GABRG3: variants seen among roughly 807,000 people sequenced by gnomAD.
GABRG3 encodes the protein gamma-aminobutyric acid type A receptor subunit gamma3, also known as gamma-aminobutyric acid receptor subunit gamma-3.
A neutral mutation model predicts 48.8 loss-of-function variants in GABRG3; 25 were observed. The ratio of observed to expected loss-of-function variants is 0.51; its 90% confidence interval spans 0.37 to 0.72. GABRG3 has a LOEUF of 0.72. Ranked by LOEUF, GABRG3 falls within the 30% of genes least tolerant of loss-of-function variation. The pLI, the probability that GABRG3 is intolerant of heterozygous loss-of-function variation, is 0.00. For missense variants in GABRG3, 394 were observed against 577.9 expected (o/e 0.68, Z 3.26); for synonymous variants, 227 against 217.6 (o/e 1.04, Z -0.38).
At chr15:27,456,156 T>A (rs1889269494) in intron 5 of GABRG3, among the ~76,000 whole-genome samples, 1 of 152,186 alleles carries the variant, frequency 6.6e-6, no homozygotes. Flanking sequence ...GTAACTGCTG[T>A]TGGGCCTCCC....
At chr15:27,348,358 G>T (rs538945721) in intron 5 of GABRG3, among the ~76,000 whole-genome samples, 2 of 152,196 alleles carry the variant, frequency 1.3e-5, no homozygotes, top group South Asian at 2.1e-4. Context: ...ACCTAACCAA[G>T]AGTTAAGAAC....
At chr15:27,392,015 ACC>A (rs2140577353) in intron 5 of GABRG3, among the ~76,000 whole-genome samples, 1 of 152,294 alleles carries the variant, frequency 6.6e-6, no homozygotes, top group African/African-American at 2.4e-5. Context: ...TGTGACATAT[ACC>A]ACTGTCTTTA....
chr15:27,160,351 C>T (rs1415945158), intron 3 of GABRG3, among the ~76,000 whole-genome samples: 1 of 152,088 alleles, frequency 6.6e-6, no homozygotes, highest in Non-Finnish European at 1.5e-5. Flanking sequence ...GAAAGGTCTT[C>T]CCCCTTTTAT....
chr15:27,029,821 A>T (rs1275080752), intron 3 of GABRG3, among the ~76,000 whole-genome samples: 1 of 152,102 alleles, frequency 6.6e-6, no homozygotes, highest in African/African-American at 2.4e-5. Flanking sequence ...CTCAGGAGGC[A>T]GGGGCCTCGG....
At chr15:27,052,763 A>G (rs558519658) in intron 3 of GABRG3, among the ~76,000 whole-genome samples, 179 of 152,366 alleles carry the variant, frequency 1.2e-3, no homozygotes, top group African/African-American at 4.2e-3. Flanking sequence ...ATTTCATACT[A>G]TACTGCAAGA....
At chr15:27,248,716 T>G (rs914211925) in intron 3 of GABRG3, among the ~76,000 whole-genome samples, 3 of 151,176 alleles carry the variant, frequency 2.0e-5, no homozygotes, top group African/African-American at 7.3e-5. Flanking sequence ...TGTAAAGTTT[T>G]CATGATCCCA....
intron 3 of GABRG3, among the ~76,000 whole-genome samples, chr15:27,039,805 G>A (rs1595487889): frequency 6.6e-6 from 1 of 152,120 alleles, no homozygotes; most frequent in Admixed American, 6.5e-5. Flanking sequence ...GGCACCCCTC[G>A]CTGTCACCCC....
intron 6 of GABRG3, among the ~76,000 whole-genome samples, chr15:27,519,123 G>A (rs112119142): frequency 2.3e-4 from 35 of 152,094 alleles, no homozygotes; most frequent in Non-Finnish European, 4.3e-4. Flanking sequence ...GGTGGATTTC[G>A]GGCACTGGAT....
intron 3 of GABRG3, among the ~76,000 whole-genome samples, chr15:27,076,233 C>T (rs970050647): frequency 6.6e-6 from 1 of 151,900 alleles, no homozygotes; most frequent in Non-Finnish European, 1.5e-5. Context: ...TGATGTCCCC[C>T]AAAACATCCA....
intron 3 of GABRG3, among the ~76,000 whole-genome samples, chr15:27,117,286 A>T (rs1479278408): frequency 6.6e-6 from 1 of 152,028 alleles, no homozygotes; most frequent in African/African-American, 2.4e-5. Context: ...TGTCTTTCCC[A>T]CCCCCTACTC....
chr15:27,386,483 T>G (rs1333321822), intron 5 of GABRG3, among the ~76,000 whole-genome samples: 1 of 151,550 alleles, frequency 6.6e-6, no homozygotes, highest in Non-Finnish European at 1.5e-5. Flanking sequence ...CCTCCCAAGA[T>G]TGTTTGTCAC....
At chr15:27,058,514 C>T (rs1896590996) in intron 3 of GABRG3, among the ~76,000 whole-genome samples, 1 of 152,068 alleles carries the variant, frequency 6.6e-6, no homozygotes, top group African/African-American at 2.4e-5. Flanking sequence ...CTTGCTCAAC[C>T]AGGAGTTGTA....
At chr15:27,045,522 A>G (rs934906569) in intron 3 of GABRG3, among the ~76,000 whole-genome samples, 5 of 152,258 alleles carry the variant, frequency 3.3e-5, no homozygotes, top group Non-Finnish European at 7.3e-5. Flanking sequence ...AGGAATTGAT[A>G]TATGCTTTGG....
chr15:26,971,541 C>A lies in GABRG3; in HGVS notation c.6C>A (p.Ala2=). Reference sequence around the variant, plus strand: ...GCCCCGAGCTCCACGGCACCATGGCCCCGAAGCTGCTGCTCCTCCTCTGCC... The same window carrying A: ...GCCCCGAGCTCCACGGCACCATGGCACCGAAGCTGCTGCTCCTCCTCTGCC... M[A]PKLLLLLCLF... is the part of the protein sequence containing the mutation. Residue 2 remains alanine (A), a synonymous_variant, in exon 1 of 10, where the codon GCC becomes GCA. Transcript: ENST00000615808. The A allele has an allele frequency of 6.5e-7, 1 of 1,529,474 alleles. No individual in the cohort carries two copies. Among genetic ancestry groups the A allele is most frequent in the Non-Finnish European group, 8.8e-7 (1 of 1,138,854 alleles). 94.7% of individuals were successfully genotyped at this position (1,529,474 alleles called of 1,614,324 possible).
chr15:27,269,523 C>T (rs775144260), intron 3 of GABRG3, among the ~76,000 whole-genome samples: 10 of 152,294 alleles, frequency 6.6e-5, no homozygotes, highest in Middle Eastern at 3.4e-3. Flanking sequence ...ACTGTGTTCT[C>T]GCTCTTGTGT....
At chr15:26,971,720 G>C in intron 1 of GABRG3, 132 bp downstream of exon 1, 2 of 1,028,766 alleles carry the variant, frequency 1.9e-6, no homozygotes, top group Non-Finnish European at 2.6e-6. Flanking sequence ...GGAGGGGACT[G>C]GGAAGTCGGT....
chr15:27,385,104 TC>T, intron 5 of GABRG3, among the ~76,000 whole-genome samples: 1 of 152,176 alleles, frequency 6.6e-6, no homozygotes, highest in Non-Finnish European at 1.5e-5. Flanking sequence ...CATGAGGACT[TC>T]CTGACTCTGG....
At position 27,527,458 on chromosome 15, in the gene GABRG3, C is replaced by T; in HGVS notation, c.891C>T (p.Thr297=). The part of the protein sequence containing the change: ...ALGITTVLTM[T]TLSTIARKSL... ...GCATCACCACGGTGCTGACCATGAC[C>T]ACCCTGAGCACCATCGCCAGGAAGT... Residue 297 remains threonine, a synonymous_variant, in exon 8 of 10, where the codon ACC becomes ACT. Transcript: ENST00000615808. 1.2e-6 allele frequency: 2 copies of T among 1,613,862 alleles called. No homozygotes were observed. The highest frequency in any genetic ancestry group is 1.7e-6 in the Non-Finnish European group (2 of 1,179,868).
chr15:27,393,121 A>G (rs528675509), intron 5 of GABRG3, among the ~76,000 whole-genome samples: 15 of 152,214 alleles, frequency 9.9e-5, no homozygotes, highest in African/African-American at 2.4e-4. Context: ...CAAGGCGGGC[A>G]GATCACGAGG....
Sources: allele counts gnomAD v4.1 joint callset (sites outside exome capture counted in the v4.1 genomes callset), GRCh38; gene constraint gnomAD v4.1.1; transcripts MANE v1.5; gene names NCBI Gene and HGNC (gene_info 2026-07-23, HGNC 2026-07-21).